The following PPP2CB variants were observed in gnomAD, a reference collection of about 807,000 sequenced individuals.
PPP2CB encodes protein phosphatase 2 catalytic subunit beta.
PPP2CB carries 18 observed loss-of-function variants against 39.1 expected under a neutral mutation model. That is an observed-to-expected ratio of 0.46 (90% CI 0.32 to 0.68). PPP2CB has a LOEUF of 0.68. PPP2CB is among the 30% of genes least tolerant of loss of function. The pLI is 0.04. For synonymous variants in PPP2CB, 129 were observed against 133.8 expected (o/e 0.96, Z 0.25); for missense variants, 226 against 396.9 (o/e 0.57, Z 3.66).
chr8:30,812,268 G>A (rs2128763419), intron 1 of PPP2CB, 52 bp downstream of exon 1: 3 of 1,350,420 alleles, frequency 2.2e-6, no homozygotes, highest in East Asian at 3.3e-5. Flanking sequence ...GCAGGAAAGC[G>A]GCGGCCCGTC....
chr8:30,806,573 T>C (rs1278822509), intron 1 of PPP2CB, among the ~76,000 whole-genome samples: 1 of 152,226 alleles, frequency 6.6e-6, no homozygotes, highest in African/African-American at 2.4e-5. Context: ...AGATTACTTC[T>C]GTAACTTTAA....
chr8:30,795,297 T>C (rs1806504084), intron 3 of PPP2CB, among the ~76,000 whole-genome samples: 1 of 152,090 alleles, frequency 6.6e-6, no homozygotes, highest in Non-Finnish European at 1.5e-5. Context: ...GTATTTTTAG[T>C]AGAGACAGGG....
At chr8:30,794,505 C>T in intron 3 of PPP2CB, 1 of 446,498 alleles carries the variant, frequency 2.2e-6, no homozygotes, top group South Asian at 3.0e-5. Context: ...TCCCTCCCTT[C>T]CTTTTCTCTG....
intron 6 of PPP2CB, among the ~76,000 whole-genome samples, chr8:30,789,658 AG>A (rs1200196678): frequency 1.3e-5 from 2 of 152,156 alleles, no homozygotes; most frequent in Admixed American, 1.3e-4. Flanking sequence ...CTGACTACCT[AG>A]GAGGTGCTCC....
chr8:30,806,076 C>G (rs530357543), intron 1 of PPP2CB, among the ~76,000 whole-genome samples: 43 of 141,820 alleles, frequency 3.0e-4, no homozygotes, highest in African/African-American at 1.0e-3. Context: ...GAGATGGAGT[C>G]TCCCTCTGTC....
chr8:30,806,087 A>G (rs1259368279), intron 1 of PPP2CB, among the ~76,000 whole-genome samples: 1 of 143,780 alleles, frequency 7.0e-6, no homozygotes, highest in Non-Finnish European at 1.5e-5. Flanking sequence ...TCCCTCTGTC[A>G]CCCAGGCTGG....
In PPP2CB at chr8:30,793,875, A is replaced by G. The variant is rs113508390; in HGVS notation, c.738+42T>C. On this transcript the variant is annotated intron_variant, in intron 5 of 6. Coordinates refer to ENST00000221138, the MANE Select transcript of PPP2CB (RefSeq NM_001009552.2). Reference sequence around the variant, plus strand: ...ATAATGCCTTATTACAGAAGTATATACTAATCTGAAATAAAGATCATTCTG... The same window carrying G: ...ATAATGCCTTATTACAGAAGTATATGCTAATCTGAAATAAAGATCATTCTG... 9.6e-6 allele frequency: 15 copies of G among 1,569,536 alleles called. No individual in the cohort carries two copies. In the African/African-American group the frequency reaches 1.9e-4, roughly 20 times the overall value.
intron 1 of PPP2CB, among the ~76,000 whole-genome samples, chr8:30,808,012 C>G (rs1294282630): frequency 6.6e-6 from 1 of 152,144 alleles, no homozygotes; most frequent in Non-Finnish European, 1.5e-5. Flanking sequence ...AGTCATTCAC[C>G]CACTGGCACT....
chr8:30,800,178 G>A (rs1026018306), intron 1 of PPP2CB, among the ~76,000 whole-genome samples: 1 of 152,200 alleles, frequency 6.6e-6, no homozygotes, highest in African/African-American at 2.4e-5. Context: ...ACCGATGAAT[G>A]GACATAACAT....
rs1307779882 is a variant in PPP2CB, at chr8:30,809,227, C to T, written c.102+3093G>A. The stretch of plus-strand genomic sequence containing the variant: ...CTGTGCCCGGCCAATGAATATATAT[C>T]TTAGCACTCACAACCAACCCGGGAG... On this transcript the variant is annotated intron_variant, in intron 1 of 6. Transcript: ENST00000221138. 3.3e-5 allele frequency among the ~76,000 whole-genome samples: 5 copies of T among 151,920 alleles called. No individual in the cohort carries two copies. The East Asian group carries it at 7.7e-4, about 23-fold the overall frequency.
intron 2 of PPP2CB, among the ~76,000 whole-genome samples, chr8:30,799,003 C>T (rs2128761564): frequency 1.3e-5 from 2 of 152,176 alleles, no homozygotes; most frequent in East Asian, 3.9e-4. Context: ...CGCTGGCAGG[C>T]AAAAATTCAG....
intron 5 of PPP2CB, among the ~76,000 whole-genome samples, chr8:30,791,842 ATGTATATATACG>A (rs954539199): frequency 6.6e-6 from 1 of 151,186 alleles, no homozygotes; most frequent in Non-Finnish European, 1.5e-5. Flanking sequence ...GTATATACAT[ATGTATATATACG>A]TGTATATATG....
chr8:30,788,581 G>A (rs1309414648), intron 6 of PPP2CB, among the ~76,000 whole-genome samples: 11 of 152,190 alleles, frequency 7.2e-5, no homozygotes, highest in Admixed American at 7.2e-4. Context: ...ATTTCCTTGT[G>A]TTTGGAGAAT....
At chr8:30,793,005 C>T (rs1806463252) in intron 5 of PPP2CB, 1 of 151,908 alleles carries the variant, frequency 6.6e-6, no homozygotes, top group South Asian at 2.1e-4. Context: ...GTTTATGTTC[C>T]CTTAGTAGTT....
At chr8:30,809,652 A>T (rs1806790644) in intron 1 of PPP2CB, among the ~76,000 whole-genome samples, 1 of 152,346 alleles carries the variant, frequency 6.6e-6, no homozygotes, top group Non-Finnish European at 1.5e-5. Context: ...TCAAAGAAAA[A>T]AAAATGGGCT....
intron 1 of PPP2CB, among the ~76,000 whole-genome samples, chr8:30,804,372 G>T (rs185109136): frequency 7.5e-4 from 114 of 152,300 alleles, no homozygotes; most frequent in African/African-American, 2.1e-3. Flanking sequence ...TTGGTAAAGA[G>T]ATCTCTGCCT....
chr8:30,805,090 A>G (rs929965449), intron 1 of PPP2CB, among the ~76,000 whole-genome samples: 3 of 152,206 alleles, frequency 2.0e-5, no homozygotes, highest in African/African-American at 7.2e-5. Context: ...CAGTGGCAGC[A>G]TTCTGTCAAC....
chr8:30,790,893 A>C, intron 6 of PPP2CB: 2 of 238,850 alleles, frequency 8.4e-6, no homozygotes, highest in South Asian at 6.2e-5. Context: ...TGTGAGAGGG[A>C]TCTGGGAGGA....
chr8:30,793,822 A>G (rs757338467), intron 5 of PPP2CB, 95 bp downstream of exon 5: 65 of 1,345,432 alleles, frequency 4.8e-5, no homozygotes, highest in Non-Finnish European at 6.1e-5. Flanking sequence ...TAGGTAATAA[A>G]TGGTGAGGAA....
Sources: allele counts gnomAD v4.1 joint callset (sites outside exome capture counted in the v4.1 genomes callset), GRCh38; gene constraint gnomAD v4.1.1; transcripts MANE v1.5; gene names NCBI Gene and HGNC (gene_info 2026-07-23, HGNC 2026-07-21).